The following VAV2 variants were observed in gnomAD, a reference collection of about 807,000 sequenced individuals.
The protein encoded by VAV2 is guanine nucleotide exchange factor VAV2.
VAV2 carries 67 observed loss-of-function variants against 132.5 expected under a neutral mutation model. The observed-to-expected ratio is 0.51, with a 90% CI of 0.42 to 0.62. The LOEUF (loss-of-function observed/expected upper bound fraction) is 0.62. Among genes scored for constraint, VAV2 ranks in the 20% least tolerant of loss-of-function variants. The probability of loss-of-function intolerance (pLI) is 0.00; values close to 1 mark genes in which losing one functional copy is unlikely to be tolerated. For synonymous variants in VAV2, 492 were observed against 443.5 expected (o/e 1.11, Z -1.37); for missense variants, 938 against 1,153.6 (o/e 0.81, Z 2.71).
Position 133,840,078 on chromosome 9 carries a change from G to C in VAV2, c.381-5738C>G, listed in dbSNP as rs542012353. Reference sequence around the variant, plus strand: ...CCCTACCCACACCTTGCCCTGTGGCGTTGCCTTGCTCGTTAAGAGCAGGGA... The same window carrying C: ...CCCTACCCACACCTTGCCCTGTGGCCTTGCCTTGCTCGTTAAGAGCAGGGA... On this transcript the variant is annotated intron_variant, in intron 3 of 29. Coordinates refer to ENST00000371850, the MANE Select transcript of VAV2 (RefSeq NM_001134398.2). The surrounding 1 kb of genome is among the most constrained non-coding windows in gnomAD (Gnocchi z 4.5). Among the ~76,000 whole-genome samples the C allele has an allele frequency of 6.6e-6, 1 of 152,112 alleles. No homozygotes were observed. Among genetic ancestry groups the C allele is most frequent in the South Asian group, 2.1e-4 (1 of 4,826 alleles).
chr9:133,860,233 C>T (rs771313892), intron 3 of VAV2, among the ~76,000 whole-genome samples: 5 of 150,982 alleles, frequency 3.3e-5, no homozygotes, highest in African/African-American at 2.4e-5. Context: ...ACCCGGGAGA[C>T]GGAGGTTGCA....
chr9:133,796,134 G>A (rs575209714), intron 11 of VAV2, among the ~76,000 whole-genome samples: 2 of 152,318 alleles, frequency 1.3e-5, no homozygotes, highest in African/African-American at 2.4e-5. Flanking sequence ...TGGCCACCAG[G>A]AAGCTCAGAG....
chr9:133,764,029 G>A lies in VAV2; in HGVS notation c.*33C>T, dbSNP rs192573366. 2.5e-5 allele frequency: 41 copies of A among 1,613,918 alleles called. No individual in the cohort carries two copies. In the African/African-American group the frequency reaches 4.9e-4, roughly 19 times the overall value. ...TTCAGGGCTGGAGTGACTCTCCCAA[G>A]AAAATCTGCGAGTCTTGTCCACGTT... On this transcript the variant is annotated 3_prime_UTR_variant, in exon 30 of 30. Coordinates refer to ENST00000371850, the MANE Select transcript of VAV2 (RefSeq NM_001134398.2).
intron 1 of VAV2, among the ~76,000 whole-genome samples, chr9:133,966,563 A>C (rs1014560530): frequency 6.6e-6 from 1 of 152,166 alleles, no homozygotes; most frequent in Non-Finnish European, 1.5e-5. Context: ...AAAATTAGCC[A>C]GGCGTGGTGG....
chr9:133,892,223 C>T (rs1363921201), intron 2 of VAV2, among the ~76,000 whole-genome samples: 1 of 149,816 alleles, frequency 6.7e-6, no homozygotes, highest in Non-Finnish European at 1.5e-5. Context: ...GGGTGGGGAT[C>T]AGCAAGGGGC....
intron 4 of VAV2, among the ~76,000 whole-genome samples, chr9:133,814,842 T>C (rs979840078): frequency 2.6e-5 from 4 of 152,108 alleles, no homozygotes; most frequent in South Asian, 2.1e-4. Context: ...CTTGTCACAG[T>C]GCAGATGGGA....
chr9:133,886,567 C>T (rs1262110978), intron 2 of VAV2, among the ~76,000 whole-genome samples: 2 of 152,162 alleles, frequency 1.3e-5, no homozygotes, highest in African/African-American at 2.4e-5. Flanking sequence ...GTGAGGCCCA[C>T]GTGTTTGCGC....
chr9:133,821,608 G>T (rs545505718), intron 4 of VAV2, among the ~76,000 whole-genome samples: 1 of 152,166 alleles, frequency 6.6e-6, no homozygotes, highest in East Asian at 1.9e-4. Flanking sequence ...CACAGGGGCC[G>T]GTCTCAACAC....
intron 9 of VAV2, among the ~76,000 whole-genome samples, chr9:133,798,983 G>A (rs762691204): frequency 3.3e-5 from 5 of 152,212 alleles, no homozygotes; most frequent in African/African-American, 4.8e-5. Flanking sequence ...CATGGCCTCT[G>A]GGCCATTTCT....
chr9:133,973,136 AG>A (rs1355526032), intron 1 of VAV2, among the ~76,000 whole-genome samples: 2 of 152,050 alleles, frequency 1.3e-5, no homozygotes, highest in Non-Finnish European at 2.9e-5. Context: ...GGAGGGCCCA[AG>A]GAAGGTCCAT....
At chr9:133,890,411 T>C (rs1249702533) in intron 2 of VAV2, among the ~76,000 whole-genome samples, 2 of 152,162 alleles carry the variant, frequency 1.3e-5, no homozygotes, top group Admixed American at 1.3e-4. Flanking sequence ...CCGGACTACA[T>C]TTCTTCCTTC....
At chr9:133,807,192 C>A in intron 8 of VAV2, 66 bp downstream of exon 8, 1 of 1,545,110 alleles carries the variant, frequency 6.5e-7, no homozygotes. Flanking sequence ...GACAGCAGGA[C>A]ATGTGTGGCC....
chr9:133,903,229 C>T lies in VAV2; in HGVS notation c.321+35874G>A, dbSNP rs146796129. Among the ~76,000 whole-genome samples the T allele has an allele frequency of 4.6e-3, 700 of 152,264 alleles. 1 individual carries two copies. The highest frequency in any genetic ancestry group is 0.01 in the Middle Eastern group (3 of 294). ...GTGCCCCAGAAGGCACCAGCCCCGC[C>T]GCCACCCTGATCTCAGACTTCCAGC... On this transcript the variant is annotated intron_variant, in intron 2 of 29. Coordinates refer to ENST00000371850, the MANE Select transcript of VAV2 (RefSeq NM_001134398.2).
chr9:133,839,361 C>A (rs1836623972), intron 3 of VAV2, among the ~76,000 whole-genome samples: 1 of 151,518 alleles, frequency 6.6e-6, no homozygotes, highest in Non-Finnish European at 1.5e-5. Context: ...TTAGTGGGTG[C>A]ATGGATAAGT....
At chr9:133,800,076 C>G (rs956232559) in intron 9 of VAV2, among the ~76,000 whole-genome samples, 2 of 152,246 alleles carry the variant, frequency 1.3e-5, no homozygotes, top group African/African-American at 4.8e-5. Context: ...CACTGAGGCT[C>G]AGAGAGCCCC....
intron 2 of VAV2, among the ~76,000 whole-genome samples, chr9:133,923,666 A>G (rs1840372858): frequency 6.6e-6 from 1 of 152,246 alleles, no homozygotes; most frequent in Non-Finnish European, 1.5e-5. Context: ...ATTATAAATC[A>G]TGCTACTATA....
At chr9:133,847,810 G>A (rs1243174428) in intron 3 of VAV2, among the ~76,000 whole-genome samples, 1 of 152,196 alleles carries the variant, frequency 6.6e-6, no homozygotes, top group African/African-American at 2.4e-5. Flanking sequence ...TCAGCCCTGT[G>A]CACGCCTGGT....
In VAV2 at chr9:133,769,590, G is replaced by A; in HGVS notation, c.2348-87C>T. 2 of 1,395,330 alleles carry A rather than the reference G, an allele frequency of 1.4e-6. No individual in the cohort carries two copies. The highest frequency in any genetic ancestry group is 9.8e-7 in the Non-Finnish European group (1 of 1,017,022). The allele number at this position is 1,395,330 out of a possible 1,614,324, so 86.4% of individuals were successfully genotyped here. A position where few individuals can be genotyped will look rare whatever the true frequency, so the allele number is the denominator to read the frequency against. ...GGCACAGCTACAGGCCGGGGGGCATGGGGTGGGGCAGGCCCTTTGGCAGGA... is the reference window on the plus strand; with the variant it reads ...GGCACAGCTACAGGCCGGGGGGCATAGGGTGGGGCAGGCCCTTTGGCAGGA... On this transcript the variant is annotated intron_variant, in intron 27 of 29. Coordinates refer to ENST00000371850, the MANE Select transcript of VAV2 (RefSeq NM_001134398.2). The surrounding 1 kb of genome is among the most constrained non-coding windows in gnomAD (Gnocchi z 8.1).
At chr9:133,818,716 G>A (rs149394423) in intron 4 of VAV2, among the ~76,000 whole-genome samples, 98 of 152,300 alleles carry the variant, frequency 6.4e-4, no homozygotes, top group African/African-American at 1.8e-3. Flanking sequence ...CACTGGTTAT[G>A]CTTCTTGGAA....
Sources: gnomAD v4.1 joint callset for allele counts (sites outside exome capture counted in the v4.1 genomes callset) on GRCh38, gnomAD v4.1.1 for gene constraint, Gnocchi (gnomAD v3.1) non-coding constraint, MANE v1.5 for transcripts, NCBI Gene and HGNC (gene_info 2026-07-23, HGNC 2026-07-21) for gene names.